The following PAK5 variants were observed in gnomAD, a reference collection of about 807,000 sequenced individuals.
PAK5 encodes the protein serine/threonine-protein kinase PAK 5.
In PAK5, 16 loss-of-function variants were observed where a neutral mutation model predicts 65.9. The observed-to-expected ratio is 0.24, with a 90% CI of 0.16 to 0.37. PAK5 has a LOEUF of 0.37. Ranked by LOEUF, PAK5 falls within the 10% of genes least tolerant of loss-of-function variation. The pLI is 1.00. For synonymous variants in PAK5, 371 were observed against 354.9 expected (o/e 1.05, Z -0.51); for missense variants, 785 against 903.9 (o/e 0.87, Z 1.69).
At chr20:9,789,040 G>A (rs1460391692) in intron 1 of PAK5, among the ~76,000 whole-genome samples, 2 of 152,304 alleles carry the variant, frequency 1.3e-5, no homozygotes, top group East Asian at 1.9e-4. Flanking sequence ...CCCTCCACTG[G>A]AAGGTGTGAA....
chr20:9,829,063 A>G (rs74570196), intron 1 of PAK5, among the ~76,000 whole-genome samples: 2,402 of 152,328 alleles, frequency 0.016, 48 homozygotes, highest in African/African-American at 0.05. Context: ...TGGCAATTCC[A>G]TTGAAAATTA....
chr20:9,597,244 G>T (rs867288598), intron 3 of PAK5, among the ~76,000 whole-genome samples: 1 of 152,136 alleles, frequency 6.6e-6, no homozygotes, highest in African/African-American at 2.4e-5. Flanking sequence ...AAATTCTGTT[G>T]CTTTGAAGGC....
At chr20:9,609,729 C>A (rs2046523343) in intron 3 of PAK5, among the ~76,000 whole-genome samples, 1 of 152,182 alleles carries the variant, frequency 6.6e-6, no homozygotes, top group East Asian at 1.9e-4. Flanking sequence ...TAAATTTTGA[C>A]AAATTTTCAA....
chr20:9,714,155 A>G (rs1042348559), intron 1 of PAK5, among the ~76,000 whole-genome samples: 1 of 152,102 alleles, frequency 6.6e-6, no homozygotes, highest in African/African-American at 2.4e-5. Flanking sequence ...TCTATAAAAA[A>G]TGAAATCCCA....
chr20:9,594,351 C>A (rs1020902965), intron 3 of PAK5, among the ~76,000 whole-genome samples: 2 of 152,216 alleles, frequency 1.3e-5, no homozygotes, highest in African/African-American at 4.8e-5. Context: ...ACCAAGACAA[C>A]CTGCAGGTCA....
At chr20:9,580,068 C>T (rs554825710) in intron 4 of PAK5, 77 bp downstream of exon 4, 11 of 1,238,916 alleles carry the variant, frequency 8.9e-6, no homozygotes, top group East Asian at 2.3e-5. Context: ...ACAATCCAAT[C>T]GTATAAAAAG....
intron 1 of PAK5, among the ~76,000 whole-genome samples, chr20:9,835,361 G>A (rs1979065856): frequency 6.6e-6 from 1 of 152,226 alleles, no homozygotes; most frequent in Non-Finnish European, 1.5e-5. Flanking sequence ...CCCAAGGGAT[G>A]AGTATGACCC....
chr20:9,833,389 C>T (rs151189904), intron 1 of PAK5, among the ~76,000 whole-genome samples: 257 of 152,158 alleles, frequency 1.7e-3, no homozygotes, highest in African/African-American at 5.5e-3. Flanking sequence ...TCAACAATGG[C>T]GCCCATTACC....
At chr20:9,610,847 G>T (rs979656968) in intron 3 of PAK5, among the ~76,000 whole-genome samples, 4 of 152,174 alleles carry the variant, frequency 2.6e-5, no homozygotes, top group Admixed American at 2.0e-4. Flanking sequence ...TGTCATGAAT[G>T]AGATTAGTGC....
intron 1 of PAK5, among the ~76,000 whole-genome samples, chr20:9,790,642 A>T (rs753384893): frequency 1.9e-4 from 29 of 152,034 alleles, no homozygotes; most frequent in Non-Finnish European, 3.2e-4. Context: ...AGTAGCTGGG[A>T]CTACAGGTGT....
chr20:9,738,015 C>A lies in PAK5; in HGVS notation c.-161-26580G>T, dbSNP rs113348761. 6.8e-3 allele frequency among the ~76,000 whole-genome samples: 1,039 copies of A among 152,232 alleles called. 15 individuals carry two copies. The highest frequency in any genetic ancestry group is 0.022 in the African/African-American group (924 of 41,538). On this transcript the variant is annotated intron_variant, in intron 1 of 9. Transcript: ENST00000353224. ...AATTAGCTGGGTGTGGTGGCACGTG[C>A]CTGTAGTCCCAGCTACTTGGGAGGC...
intron 1 of PAK5, among the ~76,000 whole-genome samples, chr20:9,809,431 C>T (rs986283941): frequency 7.5e-6 from 1 of 132,808 alleles, no homozygotes; most frequent in Non-Finnish European, 1.6e-5. Flanking sequence ...AAGGAGAAAA[C>T]AAGAACATAC....
At chr20:9,828,367 T>C (rs1416494001) in intron 1 of PAK5, among the ~76,000 whole-genome samples, 1 of 152,210 alleles carries the variant, frequency 6.6e-6, no homozygotes, top group Non-Finnish European at 1.5e-5. Flanking sequence ...GAGAGAACAT[T>C]GTCCTAAAAA....
chr20:9,605,091 T>G (rs11087848), intron 3 of PAK5, among the ~76,000 whole-genome samples: 73,626 of 152,078 alleles, frequency 0.48, 19,699 homozygotes, highest in African/African-American at 0.73. Flanking sequence ...GGGTGCCCCA[T>G]TGAGCTGGTT....
intron 2 of PAK5, among the ~76,000 whole-genome samples, chr20:9,657,569 T>C (rs2047285877): frequency 6.6e-6 from 1 of 152,206 alleles, no homozygotes; most frequent in Non-Finnish European, 1.5e-5. Flanking sequence ...TAAAATTAGT[T>C]TTACCTCTTT....
intron 1 of PAK5, among the ~76,000 whole-genome samples, chr20:9,717,247 T>C (rs182523534): frequency 6.3e-4 from 96 of 152,092 alleles, no homozygotes; most frequent in South Asian, 1.5e-3. Context: ...GAGGAAGGAG[T>C]TGGCTTCGTA....
At chr20:9,582,208 A>G (rs1232213982) in intron 3 of PAK5, among the ~76,000 whole-genome samples, 1 of 152,120 alleles carries the variant, frequency 6.6e-6, no homozygotes, top group African/African-American at 2.4e-5. Context: ...GTTCCTATAG[A>G]TTTCATTAAT....
intron 9 of PAK5, among the ~76,000 whole-genome samples, chr20:9,540,099 T>C (rs779269343): frequency 1.9e-4 from 29 of 152,210 alleles, no homozygotes; most frequent in Non-Finnish European, 3.7e-4. Flanking sequence ...ATTTTCCTTT[T>C]AAAGGTATAT....
At chr20:9,587,443 A>C (rs929784072) in intron 3 of PAK5, among the ~76,000 whole-genome samples, 1 of 152,190 alleles carries the variant, frequency 6.6e-6, no homozygotes, top group Admixed American at 6.6e-5. Context: ...CTTCTTAAAA[A>C]CGTAATGTAT....
Sources: gnomAD v4.1 joint callset for allele counts (sites outside exome capture counted in the v4.1 genomes callset) on GRCh38, gnomAD v4.1.1 for gene constraint, MANE v1.5 for transcripts, NCBI Gene and HGNC (gene_info 2026-07-23, HGNC 2026-07-21) for gene names.